The following HMCN1 variants were observed in gnomAD, a reference collection of about 807,000 sequenced individuals.
HMCN1 encodes the protein hemicentin 1.
A neutral mutation model predicts 625.9 loss-of-function variants in HMCN1; 321 were observed. The ratio of observed to expected loss-of-function variants is 0.51; its 90% confidence interval spans 0.47 to 0.56. The LOEUF is 0.56. Ranked by LOEUF, HMCN1 falls within the 20% of genes least tolerant of loss-of-function variation. The pLI is 0.00. For missense variants in HMCN1, 6,588 were observed against 6,887.3 expected (o/e 0.96, Z 1.54); for synonymous variants, 2,425 against 2,417.6 (o/e 1.00, Z -0.09).
rs1026942823 is a variant in HMCN1, at chr1:185,867,122, A to T, written c.621+1259A>T. 3.9e-5 allele frequency among the ~76,000 whole-genome samples: 6 copies of T among 152,302 alleles called. No homozygotes were observed. In the East Asian group the frequency reaches 5.8e-4, roughly 15 times the overall value. On this transcript the variant is annotated intron_variant, in intron 4 of 106. Transcript: ENST00000271588. Reference sequence around the variant, plus strand: ...TCTAGAGCAAAGAATCTAGCGAAAAATTTTTTTAATCAACATATTGAAATA... The same window carrying T: ...TCTAGAGCAAAGAATCTAGCGAAAATTTTTTTTAATCAACATATTGAAATA...
At chr1:186,119,101 T>C in intron 77 of HMCN1, 90 bp from the exon 78 acceptor site, 1 of 907,026 alleles carries the variant, frequency 1.1e-6, no homozygotes, top group Non-Finnish European at 1.8e-6. Flanking sequence ...ACCATGCTAT[T>C]TGCAGAAAAC....
In HMCN1 at chr1:186,129,947, T is replaced by C. The variant is rs759409389; in HGVS notation, c.12905-19T>C. On this transcript the variant is annotated intron_variant, in intron 83 of 106. Coordinates refer to ENST00000271588, the MANE Select transcript of HMCN1 (RefSeq NM_031935.3). Reference sequence around the variant, plus strand: ...CTAGGTTACTGAGAGGCACTTGTGTTGTTTCTTGTTTCCCTCAGCCCACTT... The same window carrying C: ...CTAGGTTACTGAGAGGCACTTGTGTCGTTTCTTGTTTCCCTCAGCCCACTT... 6.2e-7 allele frequency: 1 copy of C among 1,612,490 alleles called. No homozygotes were observed. The highest frequency in any genetic ancestry group is 2.2e-5 in the East Asian group (1 of 44,828).
chr1:186,069,239 A>G (rs1658330265), intron 50 of HMCN1, among the ~76,000 whole-genome samples: 1 of 152,216 alleles, frequency 6.6e-6, no homozygotes, highest in Admixed American at 6.5e-5. Flanking sequence ...TATGTTGGTC[A>G]ATTGAGAACG....
At chr1:185,894,467 T>C (rs1665362769) in intron 4 of HMCN1, among the ~76,000 whole-genome samples, 2 of 152,362 alleles carry the variant, frequency 1.3e-5, no homozygotes, top group East Asian at 3.9e-4. Flanking sequence ...TCTAGGACAT[T>C]TCATTTGTTA....
Position 185,987,510 on chromosome 1 carries a change from G to T in HMCN1, c.3014G>T (p.Ser1005Ile). The change falls in exon 20 of 107, where the codon AGT becomes ATT. Residue 1005 changes from serine (S) to isoleucine (I), a missense_variant. This residue lies in a region of HMCN1 where 4,628 missense variants were observed against 4,853.1 expected (regional missense o/e 0.95). Coordinates refer to ENST00000271588, the MANE Select transcript of HMCN1 (RefSeq NM_031935.3). ...CCAGTAACTTTACCATGCAAAGCAA[G>T]TGGAAATCCCAAACCGTCTGTCATC... ...GIPVTLPCKASGNPKPSVIWS... is the reference protein window; with the variant it reads ...GIPVTLPCKAIGNPKPSVIWS... 1 of 1,613,464 alleles carries T rather than the reference G, an allele frequency of 6.2e-7. No individual in the cohort carries two copies.
intron 4 of HMCN1, among the ~76,000 whole-genome samples, chr1:185,893,912 A>G (rs1665310258): frequency 6.6e-6 from 1 of 152,068 alleles, no homozygotes; most frequent in Non-Finnish European, 1.5e-5. Context: ...ACTCCATAAA[A>G]CCGTCCTTCA....
intron 20 of HMCN1, 73 bp from the exon 21 acceptor site, chr1:185,989,415 C>A (rs2102024707): frequency 6.5e-7 from 1 of 1,537,948 alleles, no homozygotes; most frequent in East Asian, 2.2e-5. Context: ...CTCTTCCAGA[C>A]ATTGTCACTC....
chr1:186,015,048 A>G, intron 30 of HMCN1, 111 bp from the exon 31 acceptor site: 1 of 941,848 alleles, frequency 1.1e-6, no homozygotes, highest in Non-Finnish European at 1.7e-6. Context: ...CAGACTTCCT[A>G]ATTGTCTTTA....
At chr1:186,001,490 G>T in intron 27 of HMCN1, 62 bp downstream of exon 27, 16 of 1,600,614 alleles carry the variant, frequency 1.0e-5, no homozygotes, top group Non-Finnish European at 1.3e-5. Context: ...AGGTTGTTCA[G>T]ATGTTCATTT....
intron 4 of HMCN1, among the ~76,000 whole-genome samples, chr1:185,882,349 T>TG (rs897651470): frequency 3.1e-5 from 4 of 130,324 alleles, no homozygotes; most frequent in African/African-American, 1.4e-4. Context: ...AAGAAATGAA[T>TG]GTTTTTTTTT....
chr1:186,070,493 C>T (rs1018662924), intron 51 of HMCN1, 119 bp from the exon 52 acceptor site: 2 of 847,080 alleles, frequency 2.4e-6, no homozygotes, highest in African/African-American at 3.4e-5. Context: ...GAAAGGTCAG[C>T]ATAGAATGCC....
intron 105 of HMCN1, among the ~76,000 whole-genome samples, chr1:186,185,956 C>A (rs1653275114): frequency 6.6e-6 from 1 of 152,172 alleles, no homozygotes; most frequent in South Asian, 2.1e-4. Flanking sequence ...ATACTTTACT[C>A]ATACTTTAAA....
chr1:185,741,457 A>G (rs1653988958), intron 1 of HMCN1, among the ~76,000 whole-genome samples: 1 of 152,138 alleles, frequency 6.6e-6, no homozygotes, highest in Non-Finnish European at 1.5e-5. Context: ...TCAAGGGGAG[A>G]TGTCTTGGGA....
chr1:185,767,477 A>G (rs1407999677), intron 1 of HMCN1, among the ~76,000 whole-genome samples: 1 of 152,248 alleles, frequency 6.6e-6, no homozygotes, highest in Non-Finnish European at 1.5e-5. Context: ...GACAATAGTG[A>G]CAATTTTACA....
chr1:185,832,868 A>G (rs1222006926), intron 1 of HMCN1, among the ~76,000 whole-genome samples: 7 of 152,342 alleles, frequency 4.6e-5, no homozygotes, highest in African/African-American at 7.2e-5. Context: ...ACAAAATCTA[A>G]TTTACTTAAT....
chr1:186,151,158 A>C, intron 93 of HMCN1, 42 bp from the exon 94 acceptor site: 1 of 1,608,100 alleles, frequency 6.2e-7, no homozygotes, highest in East Asian at 2.2e-5. Flanking sequence ...ATGTTGATGA[A>C]ATTGCATCCT....
chr1:186,036,907 C>T (rs1020062711), intron 36 of HMCN1, among the ~76,000 whole-genome samples: 1 of 151,998 alleles, frequency 6.6e-6, no homozygotes, highest in Non-Finnish European at 1.5e-5. Flanking sequence ...CAAGTATTAA[C>T]GTGTCAAAAA....
At position 186,055,613 on chromosome 1, in the gene HMCN1, T is replaced by C; in HGVS notation, c.7083T>C (p.Tyr2361=). The change falls in exon 45 of 107, where the codon TAT becomes TAC. Residue 2361 remains tyrosine, a synonymous_variant. Transcript: ENST00000271588. ...KNIHVSDTGR[Y]VCVAVNVAGM... is the part of the protein sequence containing the mutation. The stretch of plus-strand genomic sequence containing the variant: ...TTCATGTATCTGACACAGGCCGTTA[T>C]GTGTGTGTTGCTGTGAATGTAGCAG... 1 of 1,612,792 alleles carries C rather than the reference T, an allele frequency of 6.2e-7. No homozygotes were observed.
rs529454549 is a variant in HMCN1 at position 185,767,370 on chromosome 1, TATTTC to T, written c.268+32325_268+32329del. On this transcript the variant is annotated intron_variant, in intron 1 of 106. Transcript: ENST00000271588. The stretch of plus-strand genomic sequence containing the variant: ...AACACTTGTGAATTTTGAGAGTAAA[TATTTC>T]AGTTAAATGGTATCAGCTTTCCATT... Among the ~76,000 whole-genome samples, 3 of 152,302 alleles carry T rather than the reference TATTTC, an allele frequency of 2.0e-5. No homozygotes were observed. The South Asian group carries it at 6.2e-4, about 32-fold the overall frequency.
Sources: allele counts gnomAD v4.1 joint callset (sites outside exome capture counted in the v4.1 genomes callset), GRCh38; gene constraint gnomAD v4.1.1; regional missense constraint gnomAD v4.1.1; transcripts MANE v1.5; gene names NCBI Gene and HGNC (gene_info 2026-07-23, HGNC 2026-07-21).